Variants in TRPM3 observed in about 807,000 individuals in gnomAD.
TRPM3 encodes long transient receptor potential channel 3.
In TRPM3, 77 loss-of-function variants were observed where a neutral mutation model predicts 181.2. That is an observed-to-expected ratio of 0.42 (90% CI 0.35 to 0.51). TRPM3 has a LOEUF of 0.51. TRPM3 is among the 20% of genes least tolerant of loss of function. The probability of loss-of-function intolerance (pLI) is 0.01; values close to 1 mark genes in which losing one functional copy is unlikely to be tolerated. For synonymous variants in TRPM3, 745 were observed against 796.4 expected, an observed-to-expected ratio of 0.94 and a Z score of 1.09; for missense variants, 1,759 against 2,196.7, an observed-to-expected ratio of 0.80 and a Z score of 3.98.
chr9:70,603,543 CAGCAGCACAG>C, intron 19 of TRPM3, 73 bp from the exon 20 acceptor site: 1 of 1,559,400 alleles, frequency 6.4e-7, no homozygotes, highest in Non-Finnish European at 8.7e-7. Context: ...GGCCACTGCA[CAGCAGCACAG>C]AGCAGGGTCA....
intron 1 of TRPM3, among the ~76,000 whole-genome samples, chr9:71,028,841 C>A (rs542693113): frequency 3.0e-4 from 45 of 152,320 alleles, no homozygotes; most frequent in Non-Finnish European, 5.4e-4. Flanking sequence ...GAGACTTCAA[C>A]ACCCCACTGA....
intron 1 of TRPM3, among the ~76,000 whole-genome samples, chr9:71,248,154 C>G (rs575825326): frequency 4.1e-4 from 62 of 152,334 alleles, no homozygotes; most frequent in African/African-American, 1.4e-3. Context: ...GGTTGTCAGT[C>G]TGAAACCCAT....
At chr9:71,408,254 T>C (rs2046788013) in intron 1 of TRPM3, among the ~76,000 whole-genome samples, 1 of 152,122 alleles carries the variant, frequency 6.6e-6, no homozygotes, top group Non-Finnish European at 1.5e-5. Context: ...AGAACGACTT[T>C]GACAAGTTGA....
chr9:70,841,372 C>A (rs2094611851), intron 5 of TRPM3, among the ~76,000 whole-genome samples: 1 of 151,748 alleles, frequency 6.6e-6, no homozygotes, highest in Admixed American at 6.6e-5. Flanking sequence ...ACATCTCATT[C>A]CTTATCCTAT....
chr9:71,296,719 C>T (rs560389620), intron 1 of TRPM3, among the ~76,000 whole-genome samples: 5 of 152,166 alleles, frequency 3.3e-5, no homozygotes, highest in African/African-American at 7.2e-5. Flanking sequence ...CTATGGGAAA[C>T]GACGGACCAT....
intron 8 of TRPM3, among the ~76,000 whole-genome samples, chr9:70,699,013 C>T (rs147386631): frequency 2.0e-5 from 3 of 152,306 alleles, no homozygotes; most frequent in African/African-American, 4.8e-5. Flanking sequence ...CGAACTAATA[C>T]ACACAGAAAA....
At chr9:70,652,374 G>A (rs1265659632) in intron 9 of TRPM3, among the ~76,000 whole-genome samples, 1 of 152,102 alleles carries the variant, frequency 6.6e-6, no homozygotes, top group Non-Finnish European at 1.5e-5. Context: ...GTTGGAGGCA[G>A]ACCTAGAGTT....
At chr9:71,075,401 A>T (rs2043940444) in intron 1 of TRPM3, among the ~76,000 whole-genome samples, 1 of 152,088 alleles carries the variant, frequency 6.6e-6, no homozygotes, top group South Asian at 2.1e-4. Flanking sequence ...TGTCAAGTGG[A>T]GGGGGTTGAG....
rs1381204671 is a variant in TRPM3, at chr9:70,532,358, T to A, written c.*3595A>T. The A allele has an allele frequency of 6.6e-6, 1 of 152,204 alleles. No individual in the cohort carries two copies. Among genetic ancestry groups the A allele is most frequent in the Admixed American group, 6.5e-5 (1 of 15,276 alleles). 9.4% of individuals were successfully genotyped at this position (152,204 alleles called of 1,614,324 possible). A position where few individuals can be genotyped will look rare whatever the true frequency, so the allele number is the denominator to read the frequency against. ...TTATGAGTACATTTTTCTCGTTTGA[T>A]TATTCTTATATATATATTTTAAAAG... On this transcript the variant is annotated 3_prime_UTR_variant, in exon 26 of 26. Transcript: ENST00000677713.
chr9:71,330,869 T>C (rs1488929442), intron 1 of TRPM3, among the ~76,000 whole-genome samples: 1 of 151,734 alleles, frequency 6.6e-6, no homozygotes, highest in African/African-American at 2.4e-5. Context: ...TGGTGGGGTT[T>C]CCATAGCCTC....
intron 1 of TRPM3, among the ~76,000 whole-genome samples, chr9:71,045,091 T>TTTA (rs937533831): frequency 1.5e-4 from 23 of 151,270 alleles, no homozygotes; most frequent in Admixed American, 4.6e-4. Flanking sequence ...ATTTTTACTA[T>TTTA]TTATTATTAT....
At chr9:70,872,959 G>T (rs1254091828) in intron 1 of TRPM3, among the ~76,000 whole-genome samples, 1 of 151,916 alleles carries the variant, frequency 6.6e-6, no homozygotes, top group Non-Finnish European at 1.5e-5. Flanking sequence ...TCTTTTGATA[G>T]TTAGGTTTAT....
chr9:71,149,264 A>G (rs2075600206), intron 1 of TRPM3, among the ~76,000 whole-genome samples: 1 of 152,002 alleles, frequency 6.6e-6, no homozygotes, highest in Non-Finnish European at 1.5e-5. Context: ...CTTGCTGGAT[A>G]TGGTGGTGTG....
chr9:70,944,471 G>A (rs139854608), intron 1 of TRPM3, among the ~76,000 whole-genome samples: 15 of 151,870 alleles, frequency 9.9e-5, no homozygotes, highest in Non-Finnish European at 1.3e-4. Flanking sequence ...CTTTCTTCTC[G>A]CTCTCCTTTT....
At chr9:71,220,610 C>T (rs934911902) in intron 1 of TRPM3, among the ~76,000 whole-genome samples, 2 of 152,126 alleles carry the variant, frequency 1.3e-5, no homozygotes, top group African/African-American at 4.8e-5. Context: ...ATCTTCGTCT[C>T]AGATAGACCC....
chr9:70,955,904 A>G lies in TRPM3; in HGVS notation c.178-91393T>C, dbSNP rs146675600. ...CAGCGCTATTATTGTTATTTGGCAC[A>G]TAATATACTTGGTATGCTGAAAAAG... On this transcript the variant is annotated intron_variant, in intron 1 of 25. Transcript: ENST00000677713. Among the ~76,000 whole-genome samples the G allele has an allele frequency of 2.5e-3, 374 of 152,352 alleles. 3 individuals carry two copies. The highest frequency in any genetic ancestry group is 8.6e-3 in the African/African-American group (359 of 41,578).
rs201556704 is a variant in TRPM3 at position 71,035,964 on chromosome 9, TG to T, written c.177+85213del. On this transcript the variant is annotated intron_variant, in intron 1 of 25. Transcript: ENST00000677713. ...ACTGTACACCATATGAAACTCAACT[TG>T]GTGATGCAAACATAGGCTTTTTTTT... 4.9e-3 allele frequency among the ~76,000 whole-genome samples: 724 copies of T among 148,974 alleles called. 19 individuals carry two copies. In the East Asian group the frequency reaches 0.076, roughly 16 times the overall value.
chr9:71,237,091 G>A (rs2221399), intron 1 of TRPM3, among the ~76,000 whole-genome samples: 107,439 of 132,578 alleles, frequency 0.81, 41,838 homozygotes, highest in East Asian at 0.99. Flanking sequence ...GGAAAGGGAA[G>A]GGGGATGGGG....
At chr9:71,388,696 C>T (rs188180467) in intron 1 of TRPM3, among the ~76,000 whole-genome samples, 252 of 152,194 alleles carry the variant, frequency 1.7e-3, no homozygotes, top group African/African-American at 5.7e-3. Context: ...CATGTACCAC[C>T]CAAGGGAGAC....
Sources: gnomAD v4.1 joint callset for allele counts (sites outside exome capture counted in the v4.1 genomes callset) on GRCh38, gnomAD v4.1.1 for gene constraint, MANE v1.5 for transcripts, NCBI Gene and HGNC (gene_info 2026-07-23, HGNC 2026-07-21) for gene names.